ERCC6L2: variants seen among roughly 807,000 people sequenced by gnomAD.
ERCC6L2 encodes ERCC excision repair 6 like 2.
ERCC6L2 carries 77 observed loss-of-function variants against 132.0 expected under a neutral mutation model. The ratio of observed to expected loss-of-function variants is 0.58; its 90% confidence interval spans 0.49 to 0.71. The LOEUF is 0.71. Among genes scored for constraint, ERCC6L2 ranks in the 30% least tolerant of loss-of-function variants. The pLI is 0.00. For synonymous variants in ERCC6L2, 583 were observed against 632.4 expected, an observed-to-expected ratio of 0.92 and a Z score of 1.17; for missense variants, 1,542 against 1,837.6, an observed-to-expected ratio of 0.84 and a Z score of 2.94.
At chr9:96,028,365 G>A (rs1212704865) in intron 19 of ERCC6L2, among the ~76,000 whole-genome samples, 1 of 152,182 alleles carries the variant, frequency 6.6e-6, no homozygotes, top group African/African-American at 2.4e-5. Context: ...TCCCTTCCTT[G>A]AGATTAGAGT....
At chr9:95,907,459 C>T (rs1829103270) in intron 4 of ERCC6L2, among the ~76,000 whole-genome samples, 188 bp downstream of exon 4, 1 of 151,412 alleles carries the variant, frequency 6.6e-6, no homozygotes, top group Admixed American at 6.6e-5. Context: ...CCCACCTCAG[C>T]CTTCCAAAGT....
chr9:95,907,838 C>CACACACACACACACACAA (rs1554741181), intron 4 of ERCC6L2, among the ~76,000 whole-genome samples: 25 of 117,640 alleles, frequency 2.1e-4, no homozygotes, highest in South Asian at 7.8e-4. Flanking sequence ...CACACACACA[C>CACACACACACACACACAA]ACACACACAC....
intron 19 of ERCC6L2, among the ~76,000 whole-genome samples, chr9:96,032,869 A>G (rs1834477686): frequency 6.6e-6 from 1 of 152,156 alleles, no homozygotes; most frequent in Non-Finnish European, 1.5e-5. Flanking sequence ...TAAAAATGTC[A>G]ACGATGACTC....
chr9:95,957,350 A>G (rs1831655739), intron 13 of ERCC6L2, among the ~76,000 whole-genome samples: 1 of 151,864 alleles, frequency 6.6e-6, no homozygotes, highest in Non-Finnish European at 1.5e-5. Context: ...TAAAAATAGA[A>G]TTGTACACAG....
At chr9:96,026,857 A>G (rs1834377501) in intron 19 of ERCC6L2, among the ~76,000 whole-genome samples, 1 of 126,268 alleles carries the variant, frequency 7.9e-6, no homozygotes, top group Non-Finnish European at 1.7e-5. Context: ...ACACCACACA[A>G]ACACACCACA....
chr9:95,903,858 A>T (rs545304270), intron 3 of ERCC6L2, among the ~76,000 whole-genome samples: 32 of 151,440 alleles, frequency 2.1e-4, no homozygotes, highest in African/African-American at 7.7e-4. Flanking sequence ...TCAAAGTACT[A>T]AAAAAAAAGT....
At chr9:95,941,374 A>T in intron 11 of ERCC6L2, 80 bp from the exon 12 acceptor site, 1 of 1,009,480 alleles carries the variant, frequency 9.9e-7, no homozygotes, top group South Asian at 1.4e-5. Flanking sequence ...TTGGCTATAG[A>T]AACCTGGCAC....
chr9:95,936,583 G>C (rs564861707), intron 11 of ERCC6L2, among the ~76,000 whole-genome samples: 22 of 152,256 alleles, frequency 1.4e-4, no homozygotes, highest in Non-Finnish European at 2.6e-4. Flanking sequence ...GATATTTCTA[G>C]ATTCACAAGT....
chr9:96,026,550 G>C (rs1028273096), intron 19 of ERCC6L2, among the ~76,000 whole-genome samples: 1 of 151,574 alleles, frequency 6.6e-6, no homozygotes, highest in African/African-American at 2.4e-5. Flanking sequence ...GCGGAGCAGG[G>C]GCTTGTTGTT....
intron 3 of ERCC6L2, among the ~76,000 whole-genome samples, chr9:95,902,827 A>T (rs1828846323): frequency 6.6e-6 from 1 of 152,156 alleles, no homozygotes; most frequent in Non-Finnish European, 1.5e-5. Context: ...AGCTATTTTT[A>T]AATCTAATTC....
chr9:95,913,269 T>C (rs13292681), intron 4 of ERCC6L2, among the ~76,000 whole-genome samples: 1 of 152,332 alleles, frequency 6.6e-6, no homozygotes, highest in Admixed American at 6.5e-5. Context: ...TAATTACCGG[T>C]ATTCTCCTGT....
Position 95,928,151 on chromosome 9 carries a change from G to A in ERCC6L2, c.1605+1G>A, listed in dbSNP as rs1242573351. 2 of 1,607,596 alleles carry A rather than the reference G, an allele frequency of 1.2e-6. No individual in the cohort carries two copies. The highest frequency in any genetic ancestry group is 1.7e-6 in the Non-Finnish European group (2 of 1,174,900). On this transcript the variant is annotated splice_donor_variant, in intron 10 of 18. Coordinates refer to ENST00000653738, the MANE Select transcript of ERCC6L2 (RefSeq NM_020207.7). LOFTEE classifies it high-confidence loss of function. ...TCTTCTCTTTTCTTTTTCCACCAAG[G>A]TGAGTTCATCTAAAGTATATCCTTG...
At chr9:95,939,315 C>T (rs550866048) in intron 11 of ERCC6L2, among the ~76,000 whole-genome samples, 10 of 151,706 alleles carry the variant, frequency 6.6e-5, no homozygotes, top group African/African-American at 2.4e-4. Context: ...ACTTTCTAGC[C>T]ACCAATCTTT....
At chr9:95,965,958 G>T (rs1471021563) in intron 13 of ERCC6L2, among the ~76,000 whole-genome samples, 1 of 152,170 alleles carries the variant, frequency 6.6e-6, no homozygotes, top group Non-Finnish European at 1.5e-5. Flanking sequence ...ATTACATTTA[G>T]TAAAATATCC....
intron 18 of ERCC6L2, among the ~76,000 whole-genome samples, chr9:96,009,230 C>T (rs117611917): frequency 0.018 from 2,808 of 152,290 alleles, 38 homozygotes; most frequent in Non-Finnish European, 0.028. Context: ...TCGTCAGCTT[C>T]GTTGAGTTCT....
intron 11 of ERCC6L2, among the ~76,000 whole-genome samples, chr9:95,934,004 C>T (rs975387447): frequency 1.4e-4 from 22 of 152,194 alleles, no homozygotes; most frequent in African/African-American, 4.6e-4. Context: ...TTTTCTTCCC[C>T]TGGATGATTA....
chr9:96,023,482 C>T (rs1017358096), intron 19 of ERCC6L2, among the ~76,000 whole-genome samples: 10 of 152,176 alleles, frequency 6.6e-5, no homozygotes, highest in Admixed American at 5.9e-4. Flanking sequence ...GCACTGTCAT[C>T]CCTCACTGCT....
At position 96,012,751 on chromosome 9, in the gene ERCC6L2, A is replaced by G; in HGVS notation, c.4201A>G (p.Lys1401Glu). ...TGAGAGAAGGTTAGAAAATACCATG[A>G]AAGACCAACAGGACCTCACAAGAAC... ...TRERRLENTM[K>E]DQQDLTRTGI... Residue 1401 changes from lysine (K) to glutamate (E), a missense_variant, in exon 19 of 19, where the codon AAA becomes GAA. This residue lies in a region of ERCC6L2 where 442 missense variants were observed against 583.4 expected (regional missense o/e 0.76). Coordinates refer to ENST00000653738, the MANE Select transcript of ERCC6L2 (RefSeq NM_020207.7). 2.2e-6 allele frequency: 3 copies of G among 1,367,634 alleles called. No homozygotes were observed. The highest frequency in any genetic ancestry group is 2.9e-6 in the Non-Finnish European group (3 of 1,021,834). The allele number at this position is 1,367,634 out of a possible 1,614,324, so 84.7% of individuals were successfully genotyped here.
chr9:95,914,462 T>G (rs780800939), intron 4 of ERCC6L2, among the ~76,000 whole-genome samples: 1 of 152,150 alleles, frequency 6.6e-6, no homozygotes, highest in Non-Finnish European at 1.5e-5. Flanking sequence ...CAAGTGATTC[T>G]CCTGCCTCAG....
Sources: allele counts gnomAD v4.1 joint callset (sites outside exome capture counted in the v4.1 genomes callset), GRCh38; gene constraint gnomAD v4.1.1; regional missense constraint gnomAD v4.1.1; transcripts MANE v1.5; gene names NCBI Gene and HGNC (gene_info 2026-07-23, HGNC 2026-07-21).